Variants in MPRIP observed in about 807,000 individuals in gnomAD.
MPRIP encodes myosin phosphatase Rho interacting protein.
MPRIP carries 59 observed loss-of-function variants against 234.9 expected under a neutral mutation model. The observed-to-expected ratio is 0.25, with a 90% confidence interval of 0.20 to 0.31. The LOEUF (loss-of-function observed/expected upper bound fraction) is 0.31. Among genes scored for constraint, MPRIP ranks in the 10% least tolerant of loss-of-function variants. The pLI is 1.00. For synonymous variants in MPRIP, 1,144 were observed against 1,263.9 expected (o/e 0.91, Z 2.01); for missense variants, 2,436 against 3,071.0 (o/e 0.79, Z 4.89).
intron 17 of MPRIP, 56 bp from the exon 18 acceptor site, chr17:17,172,642 C>A (rs1110505): frequency 2.1e-6 from 3 of 1,428,170 alleles, no homozygotes; most frequent in African/African-American, 1.4e-5. Flanking sequence ...CACCCCCACC[C>A]CTGTCAGCAG....
intron 21 of MPRIP, 34 bp downstream of exon 21, chr17:17,176,546 G>A: frequency 6.5e-7 from 1 of 1,542,366 alleles, no homozygotes; most frequent in Non-Finnish European, 9.0e-7. Flanking sequence ...GGCGGGTACG[G>A]GAACAGGCTC....
Position 17,161,224 on chromosome 17 carries a change from G to A in MPRIP, c.2401-16G>A, listed in dbSNP as rs976549364. 3.8e-6 allele frequency: 6 copies of A among 1,578,700 alleles called. No individual in the cohort carries two copies. The African/African-American group carries it at 4.0e-5, about 11-fold the overall frequency. ...ATTGTCATTTTGCATAAAAGTGTGT[G>A]TCTTTTTGCCAACAGCTGGAGCAGA... On this transcript the variant is annotated splice_polypyrimidine_tract_variant and intron_variant, in intron 14 of 23. Transcript: ENST00000651222.
chr17:17,145,922 G>A, intron 9 of MPRIP, 114 bp from the exon 10 acceptor site: 2 of 1,019,464 alleles, frequency 2.0e-6, no homozygotes, highest in East Asian at 2.6e-5. Flanking sequence ...TCTGGCAGGT[G>A]GAGAAACCCC....
Position 17,173,963 on chromosome 17 carries a change from A to G in MPRIP, c.6638A>G (p.Gln2213Arg). The G allele has an allele frequency of 6.2e-7, 1 of 1,613,700 alleles. No individual in the cohort carries two copies. The highest frequency in any genetic ancestry group is 8.5e-7 in the Non-Finnish European group (1 of 1,180,028). ...CGGGAACTGGAGGTCCTCTCGGAGC[A>G]GTACTCGCAGAAGTGCCTGGAGAAT... ...VQRELEVLSE[Q>R]YSQKCLENAH... is the part of the protein sequence containing the mutation. The change falls in exon 19 of 24, where the codon CAG becomes CGG. Residue 2213 changes from glutamine to arginine, a missense_variant. By Grantham distance (43) the Gln-to-Arg change is conservative. Coordinates refer to ENST00000651222, the MANE Select transcript of MPRIP (RefSeq NM_001364716.4).
chr17:17,166,819 T>A lies in MPRIP; in HGVS notation c.5228T>A (p.Leu1743Gln), dbSNP rs542577937. 11 of 1,304,222 alleles carry A rather than the reference T, an allele frequency of 8.4e-6. No homozygotes were observed. In the Admixed American group the frequency reaches 2.3e-4, roughly 27 times the overall value. The allele number at this position is 1,304,222 out of a possible 1,614,324, so 80.8% of individuals were successfully genotyped here. A position where few individuals can be genotyped will look rare whatever the true frequency, so the allele number is the denominator to read the frequency against. Residue 1743 changes from leucine (L) to glutamine (Q), a missense_variant, in exon 16 of 24, where the codon CTG becomes CAG. Coordinates refer to ENST00000651222, the MANE Select transcript of MPRIP (RefSeq NM_001364716.4). The surrounding 1 kb of genome is among the most constrained non-coding windows in gnomAD (Gnocchi z 4.4). Reference sequence around the variant, plus strand: ...GCGGGCCATGAAGATGGTGTTCAGCTGTCCTGGGACCTGAGCCCCTTAGGA... The same window carrying A: ...GCGGGCCATGAAGATGGTGTTCAGCAGTCCTGGGACCTGAGCCCCTTAGGA... ...LPAGHEDGVQ[L>Q]SWDLSPLGEV...
At chr17:17,133,189 G>T (rs956651730) in intron 5 of MPRIP, among the ~76,000 whole-genome samples, 3 of 152,152 alleles carry the variant, frequency 2.0e-5, no homozygotes, top group Non-Finnish European at 4.4e-5. Context: ...TTCACTGAGG[G>T]TCTCTTAGAG....
Position 17,163,377 on chromosome 17 carries a change from G to A in MPRIP, c.2518-732G>A, listed in dbSNP as rs542157423. 2.0e-5 allele frequency among the ~76,000 whole-genome samples: 3 copies of A among 152,198 alleles called. No homozygotes were observed. In the South Asian group the frequency reaches 6.2e-4, roughly 32 times the overall value. ...CTGTCTCTGCATGCCTTTCAGTGTG[G>A]GGAGTTTTGTTTCATTTACGTTGTG... On this transcript the variant is annotated intron_variant, in intron 15 of 23. Coordinates refer to ENST00000651222, the MANE Select transcript of MPRIP (RefSeq NM_001364716.4).
rs935516283 is a variant in MPRIP at position 17,138,136 on chromosome 17, T to C, written c.957T>C (p.Pro319=). The C allele has an allele frequency of 1.4e-6, 2 of 1,418,820 alleles. No homozygotes were observed. The highest frequency in any genetic ancestry group is 2.7e-5 in the South Asian group (2 of 73,426). 87.9% of individuals were successfully genotyped at this position (1,418,820 alleles called of 1,614,324 possible). A position where few individuals can be genotyped will look rare whatever the true frequency, so the allele number is the denominator to read the frequency against. The part of the protein sequence containing the change: ...ELGGPLPSPG[P]RLPHQMVCSI... ...GTGGTCCTCTTCCTTCCCCAGGTCCTCGACTCCCCCACCAAATGGTCTGCA... is the reference window on the plus strand; with the variant it reads ...GTGGTCCTCTTCCTTCCCCAGGTCCCCGACTCCCCCACCAAATGGTCTGCA... The change falls in exon 7 of 24, where the codon CCT becomes CCC. Residue 319 remains proline, a synonymous_variant. Transcript: ENST00000651222. The surrounding 1 kb of genome is among the most constrained non-coding windows in gnomAD (Gnocchi z 5.8).
At chr17:17,181,701 T>C (rs2046377149) in intron 23 of MPRIP, 1 of 152,194 alleles carries the variant, frequency 6.6e-6, no homozygotes, top group African/African-American at 2.4e-5. Context: ...AGTTTGAAGT[T>C]CACTATTAGT....
Position 17,075,750 on chromosome 17 carries a change from A to T in MPRIP, c.164A>T (p.Asp55Val), listed in dbSNP as rs1360946438. ...GGCGGTTGGCTGCTCCTGGCTCCAGATGGGACCGACTTTGACAACCCAGTG... is the reference window on the plus strand; with the variant it reads ...GGCGGTTGGCTGCTCCTGGCTCCAGTTGGGACCGACTTTGACAACCCAGTG... ...IYGGWLLLAP[D>V]GTDFDNPVHR... Residue 55 changes from aspartate to valine, a missense_variant, in exon 2 of 24, where the codon GAT becomes GTT. Around this residue, in one of 4 missense-constraint regions of MPRIP, gnomAD observed 140 missense variants for 207.3 expected, o/e 0.68. Coordinates refer to ENST00000651222, the MANE Select transcript of MPRIP (RefSeq NM_001364716.4). 1 of 1,614,024 alleles carries T rather than the reference A, an allele frequency of 6.2e-7. No homozygotes were observed. Among genetic ancestry groups the T allele is most frequent in the East Asian group, 2.2e-5 (1 of 44,862 alleles).
chr17:17,157,735 G>A (rs1489441122), intron 13 of MPRIP, among the ~76,000 whole-genome samples: 11 of 152,054 alleles, frequency 7.2e-5, no homozygotes, highest in Admixed American at 7.2e-4. Flanking sequence ...GGCTGAGGCA[G>A]GAGAATCGCT....
intron 18 of MPRIP, 124 bp from the exon 19 acceptor site, chr17:17,173,792 T>G: frequency 8.7e-7 from 1 of 1,144,344 alleles, no homozygotes; most frequent in South Asian, 1.3e-5. Flanking sequence ...CCCAGGCTGA[T>G]TAAGACAACA....
At position 17,165,476 on chromosome 17, in the gene MPRIP, G is replaced by A; in HGVS notation, c.3885G>A (p.Val1295=). ...ACAGCATGGTGCCCCCAAAGTCAGT[G>A]GAAGTGCTTGACAGGGAGGGCCATC... ...REDSMVPPKS[V]EVLDREGHQQ... Residue 1295 remains valine (V), a synonymous_variant, in exon 16 of 24, where the codon GTG becomes GTA. Coordinates refer to ENST00000651222, the MANE Select transcript of MPRIP (RefSeq NM_001364716.4). 2.3e-6 allele frequency: 3 copies of A among 1,304,306 alleles called. No individual in the cohort carries two copies. The highest frequency in any genetic ancestry group is 3.0e-6 in the Non-Finnish European group (3 of 988,956). 80.8% of individuals were successfully genotyped at this position (1,304,306 alleles called of 1,614,324 possible). A position where few individuals can be genotyped will look rare whatever the true frequency, so the allele number is the denominator to read the frequency against.
chr17:17,165,115 A>G lies in MPRIP; in HGVS notation c.3524A>G (p.Glu1175Gly). 1 of 1,304,180 alleles carries G rather than the reference A, an allele frequency of 7.7e-7. No homozygotes were observed. The highest frequency in any genetic ancestry group is 1.0e-6 in the Non-Finnish European group (1 of 988,962). The allele number at this position is 1,304,180 out of a possible 1,614,324, so 80.8% of individuals were successfully genotyped here. ...GAGGAAGAGCTGGAGCGCATTAAGG[A>G]AGCACATGAGAAGGTTCTGGAGAAG... ...EKEEELERIK[E>G]AHEKVLEKKE... is the part of the protein sequence containing the mutation. Residue 1175 changes from glutamate to glycine, a missense_variant, in exon 16 of 24, where the codon GAA becomes GGA. Transcript: ENST00000651222.
rs1481627407 is a variant in MPRIP at position 17,166,708 on chromosome 17, G to A, written c.5117G>A (p.Cys1706Tyr). The A allele has an allele frequency of 2.3e-6, 3 of 1,304,118 alleles. No homozygotes were observed. The highest frequency in any genetic ancestry group is 1.1e-4 in the East Asian group (2 of 18,018). The allele number at this position is 1,304,118 out of a possible 1,614,324, so 80.8% of individuals were successfully genotyped here. A position where few individuals can be genotyped will look rare whatever the true frequency, so the allele number is the denominator to read the frequency against. ...GTQTALRQHK[C>Y]LLREILGAYQ... ...CAGACGGCCCTGCGGCAGCACAAAT[G>A]CCTGCTGAGGGAAATCCTGGGAGCC... The change falls in exon 16 of 24, where the codon TGC becomes TAC. Residue 1706 changes from cysteine to tyrosine, a missense_variant. Cys to Tyr is a radical substitution (Grantham distance 194, BLOSUM62 -2). This residue lies in a region of MPRIP where 1,998 missense variants were observed against 2,520.3 expected (regional missense o/e 0.79). Transcript: ENST00000651222. This position sits in a 1 kb window ranked among gnomAD's most constrained non-coding sequence, Gnocchi z 4.4.
At chr17:17,064,476 A>G (rs907655118) in intron 1 of MPRIP, among the ~76,000 whole-genome samples, 2 of 152,130 alleles carry the variant, frequency 1.3e-5, no homozygotes, top group African/African-American at 4.8e-5. Context: ...GACCTTCTGC[A>G]ACACTGTGGT....
At chr17:17,176,138 C>T (rs564136955) in intron 20 of MPRIP, among the ~76,000 whole-genome samples, 3 of 152,348 alleles carry the variant, frequency 2.0e-5, no homozygotes, top group South Asian at 2.1e-4. Flanking sequence ...TCCTGATTCT[C>T]GCGGGCTTGG....
In MPRIP at chr17:17,075,807, C is replaced by G. The variant is rs767613273; in HGVS notation, c.201+20C>G. 4 of 1,612,834 alleles carry G rather than the reference C, an allele frequency of 2.5e-6. No individual in the cohort carries two copies. The South Asian group carries it at 3.3e-5, about 13-fold the overall frequency. The stretch of plus-strand genomic sequence containing the variant: ...TCTCGGGTAAGGGCATCAGAGCCAA[C>G]TCTCAGGGAGGAACCAGAGAAGGGA... On this transcript the variant is annotated intron_variant, in intron 2 of 23. Coordinates refer to ENST00000651222, the MANE Select transcript of MPRIP (RefSeq NM_001364716.4).
At chr17:17,114,053 T>C (rs955865737) in intron 3 of MPRIP, among the ~76,000 whole-genome samples, 2 of 151,978 alleles carry the variant, frequency 1.3e-5, no homozygotes, top group African/African-American at 4.8e-5. Flanking sequence ...CATCTGGCTA[T>C]TTATTTTTTA....
Sources: allele counts gnomAD v4.1 joint callset (sites outside exome capture counted in the v4.1 genomes callset), GRCh38; gene constraint gnomAD v4.1.1; regional missense constraint gnomAD v4.1.1; non-coding constraint Gnocchi (gnomAD v3.1); transcripts MANE v1.5; gene names NCBI Gene and HGNC (gene_info 2026-07-23, HGNC 2026-07-21).